ZFPM2: variants seen among roughly 807,000 people sequenced by gnomAD.
ZFPM2 encodes zinc finger protein ZFPM2.
In ZFPM2, 20 loss-of-function variants were observed where a neutral mutation model predicts 98.6. The observed-to-expected ratio is 0.20, with a 90% confidence interval of 0.14 to 0.29. ZFPM2 has a LOEUF of 0.29. Ranked by LOEUF, ZFPM2 falls within the 10% of genes least tolerant of loss-of-function variation. The probability of loss-of-function intolerance (pLI) is 1.00; values close to 1 mark genes in which losing one functional copy is unlikely to be tolerated. For synonymous variants in ZFPM2, 518 were observed against 502.7 expected (o/e 1.03, Z -0.41); for missense variants, 1,310 against 1,388.6 (o/e 0.94, Z 0.90).
At position 105,788,606 on chromosome 8, in the gene ZFPM2, C is replaced by A. The variant is rs1813492644; in HGVS notation, c.533-112C>A. 3.8e-6 allele frequency: 4 copies of A among 1,039,776 alleles called. No homozygotes were observed. The African/African-American group carries it at 6.3e-5, about 16-fold the overall frequency. The allele number at this position is 1,039,776 out of a possible 1,614,324, so 64.4% of individuals were successfully genotyped here. On this transcript the variant is annotated intron_variant, in intron 5 of 7. Transcript: ENST00000407775. ...GTTGCCTTGATCAAACACTCCACTC[C>A]AGTAGAAACCAGTGTGAAAAACATG...
chr8:105,598,344 G>A (rs960507910), intron 4 of ZFPM2, among the ~76,000 whole-genome samples: 6 of 152,106 alleles, frequency 3.9e-5, no homozygotes, highest in Non-Finnish European at 7.4e-5. Context: ...AGTTTTATGA[G>A]AGAGAGAACT....
intron 6 of ZFPM2, among the ~76,000 whole-genome samples, chr8:105,792,542 TG>T (rs1332676601): frequency 2.6e-5 from 4 of 152,026 alleles, no homozygotes; most frequent in Admixed American, 6.6e-5. Flanking sequence ...GGTGTGGTGC[TG>T]AAAAAAATGT....
intron 3 of ZFPM2, among the ~76,000 whole-genome samples, chr8:105,475,205 C>T (rs1015859836): frequency 3.3e-5 from 5 of 152,126 alleles, no homozygotes; most frequent in African/African-American, 9.7e-5. Flanking sequence ...ATTTTTAGAG[C>T]GTAATCATTT....
At chr8:105,711,755 C>G (rs543259758) in intron 5 of ZFPM2, among the ~76,000 whole-genome samples, 31 of 152,070 alleles carry the variant, frequency 2.0e-4, no homozygotes, top group African/African-American at 7.2e-4. Context: ...TACATATGCT[C>G]CGAAGACCAG....
chr8:105,324,878 A>T (rs1169188500), intron 1 of ZFPM2, among the ~76,000 whole-genome samples: 1 of 151,880 alleles, frequency 6.6e-6, no homozygotes, highest in Non-Finnish European at 1.5e-5. Context: ...TGTTTGGCCA[A>T]ATTGTGTGAA....
At chr8:105,568,052 C>A (rs1815276447) in intron 4 of ZFPM2, among the ~76,000 whole-genome samples, 1 of 151,962 alleles carries the variant, frequency 6.6e-6, no homozygotes, top group Admixed American at 6.6e-5. Flanking sequence ...TGAGTGTTTC[C>A]CAAAACACTT....
At chr8:105,786,653 A>G (rs975163434) in intron 5 of ZFPM2, among the ~76,000 whole-genome samples, 2 of 152,248 alleles carry the variant, frequency 1.3e-5, no homozygotes, top group Non-Finnish European at 1.5e-5. Flanking sequence ...GAGTCATTTA[A>G]TGATGCACAC....
At chr8:105,635,080 G>A (rs1489007608) in intron 5 of ZFPM2, among the ~76,000 whole-genome samples, 1 of 152,164 alleles carries the variant, frequency 6.6e-6, no homozygotes, top group Non-Finnish European at 1.5e-5. Flanking sequence ...CCACATTCAA[G>A]TCTTGGTCCT....
chr8:105,787,064 T>C (rs1402157101), intron 5 of ZFPM2: 2 of 152,206 alleles, frequency 1.3e-5, no homozygotes, highest in African/African-American at 4.8e-5. Context: ...ATTAAATGAT[T>C]ACCTTGTCTA....
chr8:105,673,065 G>A (rs1348262), intron 5 of ZFPM2, among the ~76,000 whole-genome samples: 5 of 151,730 alleles, frequency 3.3e-5, no homozygotes, highest in South Asian at 4.1e-4. Context: ...TTCTAGCTAC[G>A]ATTTCACAGA....
intron 1 of ZFPM2, chr8:105,388,038 G>C (rs1488965851): frequency 6.6e-6 from 1 of 152,064 alleles, no homozygotes; most frequent in Non-Finnish European, 1.5e-5. Flanking sequence ...AAATATATTT[G>C]AGACCACCAA....
intron 4 of ZFPM2, among the ~76,000 whole-genome samples, chr8:105,595,808 T>C (rs1019179690): frequency 6.6e-6 from 1 of 152,026 alleles, no homozygotes; most frequent in African/African-American, 2.4e-5. Context: ...CTTTTATTGG[T>C]TTTAGCCATA....
chr8:105,626,635 G>C (rs1816660995), intron 4 of ZFPM2, among the ~76,000 whole-genome samples: 1 of 151,896 alleles, frequency 6.6e-6, no homozygotes, highest in Admixed American at 6.6e-5. Context: ...TGTGTTTCTG[G>C]TTCTCACAAT....
chr8:105,684,624 A>G (rs1586196625), intron 5 of ZFPM2, among the ~76,000 whole-genome samples: 1 of 152,212 alleles, frequency 6.6e-6, no homozygotes, highest in South Asian at 2.1e-4. Flanking sequence ...GGTTAGTTGA[A>G]TTTTCAGTAT....
At chr8:105,622,818 A>G (rs1397747620) in intron 4 of ZFPM2, among the ~76,000 whole-genome samples, 1 of 152,180 alleles carries the variant, frequency 6.6e-6, no homozygotes, top group African/African-American at 2.4e-5. Flanking sequence ...GTGAAAAAAC[A>G]AAAACAAAAT....
chr8:105,742,258 G>A (rs1812234262), intron 5 of ZFPM2, among the ~76,000 whole-genome samples: 1 of 151,482 alleles, frequency 6.6e-6, no homozygotes, highest in African/African-American at 2.4e-5. Flanking sequence ...CATGCTTATA[G>A]TCCCAGCTAC....
chr8:105,660,328 A>T (rs1295273889), intron 5 of ZFPM2, among the ~76,000 whole-genome samples: 1 of 152,148 alleles, frequency 6.6e-6, no homozygotes, highest in African/African-American at 2.4e-5. Flanking sequence ...TCTCAGCTGC[A>T]TTTCCTTTCT....
chr8:105,542,653 G>T (rs527618795), intron 3 of ZFPM2, among the ~76,000 whole-genome samples: 2 of 152,234 alleles, frequency 1.3e-5, no homozygotes, highest in South Asian at 4.1e-4. Flanking sequence ...TTGAATGTGC[G>T]TAGATTTTGG....
At chr8:105,471,865 C>T (rs1476520890) in intron 3 of ZFPM2, among the ~76,000 whole-genome samples, 3 of 152,060 alleles carry the variant, frequency 2.0e-5, no homozygotes, top group Non-Finnish European at 4.4e-5. Context: ...CCTGCATGGT[C>T]TCCTTATCAT....
Sources: gnomAD v4.1 joint callset for allele counts (sites outside exome capture counted in the v4.1 genomes callset) on GRCh38, gnomAD v4.1.1 for gene constraint, MANE v1.5 for transcripts, NCBI Gene and HGNC (gene_info 2026-07-23, HGNC 2026-07-21) for gene names.